The following DBF4 variants were observed in gnomAD, a reference collection of about 807,000 sequenced individuals.
The protein encoded by DBF4 is protein DBF4 homolog A.
In DBF4, 25 loss-of-function variants were observed where a neutral mutation model predicts 76.6. That is an observed-to-expected ratio of 0.33 (90% CI 0.24 to 0.46). The LOEUF is 0.46. Among genes scored for constraint, DBF4 ranks in the 20% least tolerant of loss-of-function variants. DBF4 has a pLI of 1.00. For missense variants in DBF4, 638 were observed against 760.8 expected, an observed-to-expected ratio of 0.84 and a Z score of 1.90; for synonymous variants, 213 against 258.0, an observed-to-expected ratio of 0.83 and a Z score of 1.67.
chr7:87,878,748 G>A (rs1839133358), intron 2 of DBF4, among the ~76,000 whole-genome samples: 1 of 152,150 alleles, frequency 6.6e-6, no homozygotes, highest in Non-Finnish European at 1.5e-5. Flanking sequence ...AGATGATTGG[G>A]AAATTAGAAA....
At chr7:87,884,861 CAG>C (rs1006699429) in intron 2 of DBF4, 116 bp from the exon 3 acceptor site, 65 of 703,076 alleles carry the variant, frequency 9.2e-5, no homozygotes, top group South Asian at 6.3e-4. Context: ...CACTTGAGAA[CAG>C]GGGGTTGAGG....
chr7:87,903,948 G>T (rs546267162), intron 10 of DBF4, among the ~76,000 whole-genome samples: 2 of 151,990 alleles, frequency 1.3e-5, no homozygotes, highest in Non-Finnish European at 2.9e-5. Context: ...CGCCCACCTC[G>T]GCCTCCCAGA....
intron 1 of DBF4, among the ~76,000 whole-genome samples, chr7:87,877,655 G>A (rs1242046776): frequency 6.6e-6 from 1 of 152,166 alleles, no homozygotes; most frequent in Non-Finnish European, 1.5e-5. Flanking sequence ...CGTAACAGAG[G>A]ATTCTTTCAT....
intron 10 of DBF4, among the ~76,000 whole-genome samples, chr7:87,903,947 C>T (rs936251744): frequency 2.6e-5 from 4 of 152,054 alleles, no homozygotes; most frequent in East Asian, 3.9e-4. Flanking sequence ...CCGCCCACCT[C>T]GGCCTCCCAG....
rs774134823 is a variant in DBF4 at position 87,908,020 on chromosome 7, A to C, written c.1882A>C (p.Lys628Gln). The C allele has an allele frequency of 2.5e-6, 4 of 1,613,852 alleles. No homozygotes were observed. Among genetic ancestry groups the C allele is most frequent in the Non-Finnish European group, 3.4e-6 (4 of 1,179,786 alleles). ...AGACTTGTTTCAGACTAGTGAAGAG[A>C]AATCAGAATTTTTGGGTTTCACAAG... ...LLDLFQTSEE[K>Q]SEFLGFTSYT... is the part of the protein sequence containing the mutation. Residue 628 changes from lysine to glutamine, a missense_variant, in exon 12 of 12, where the codon AAA becomes CAA. Transcript: ENST00000265728.
chr7:87,878,098 C>A lies in DBF4; in HGVS notation c.92C>A (p.Ser31Tyr). The change falls in exon 2 of 12, where the codon TCT (serine) becomes TAT (tyrosine). Residue 31 changes from serine (S) to tyrosine (Y), a missense_variant. Physicochemically the swap from Ser to Tyr is moderately radical, Grantham distance 144. Coordinates refer to ENST00000265728, the MANE Select transcript of DBF4 (RefSeq NM_006716.4). ...KNEKNRPSLKSLKTDNRPEKS... is the reference protein window; with the variant it reads ...KNEKNRPSLKYLKTDNRPEKS... ...GAAAAAAACAGACCATCTCTGAAATCTCTGAAAACTGATAACAGGCCAGAA... is the reference window on the plus strand; with the variant it reads ...GAAAAAAACAGACCATCTCTGAAATATCTGAAAACTGATAACAGGCCAGAA... The A allele has an allele frequency of 3.7e-6, 6 of 1,610,994 alleles. No homozygotes were observed. Among genetic ancestry groups the A allele is most frequent in the Non-Finnish European group, 5.1e-6 (6 of 1,179,330 alleles).
At chr7:87,885,942 G>A (rs1839338584) in intron 3 of DBF4, among the ~76,000 whole-genome samples, 1 of 152,120 alleles carries the variant, frequency 6.6e-6, no homozygotes, top group Admixed American at 6.5e-5. Context: ...GTTTATTTCA[G>A]TTTTTAGGTT....
intron 8 of DBF4, among the ~76,000 whole-genome samples, 167 bp downstream of exon 8, chr7:87,897,506 G>T (rs540169174): frequency 6.6e-6 from 1 of 152,258 alleles, no homozygotes; most frequent in South Asian, 2.1e-4. Flanking sequence ...TAATTCATTT[G>T]TGCTCAAGGA....
intron 10 of DBF4, among the ~76,000 whole-genome samples, chr7:87,901,586 A>G (rs1241820749): frequency 6.6e-6 from 1 of 152,206 alleles, no homozygotes; most frequent in East Asian, 1.9e-4. Context: ...GGAAGAGAAG[A>G]GTTGAAAGAA....
chr7:87,891,748 G>A (rs1406866605), intron 6 of DBF4, among the ~76,000 whole-genome samples: 1 of 151,972 alleles, frequency 6.6e-6, no homozygotes, highest in Admixed American at 6.6e-5. Flanking sequence ...GATTTTTTGT[G>A]TGTGTGGTTT....
At position 87,876,694 on chromosome 7, in the gene DBF4, C is replaced by G. The variant is rs775299633; in HGVS notation, c.-39C>G. On this transcript the variant is annotated 5_prime_UTR_variant, in exon 1 of 12. Transcript: ENST00000265728. The stretch of plus-strand genomic sequence containing the variant: ...GCTTTCGCGGCTGCCCGGTGCGACA[C>G]TTTCTCCGGACCCAGCATGTAGGTG... The G allele has an allele frequency of 1.9e-6, 3 of 1,612,970 alleles. No individual in the cohort carries two copies. Among genetic ancestry groups the G allele is most frequent in the Non-Finnish European group, 2.5e-6 (3 of 1,179,666 alleles).
At chr7:87,883,197 C>G (rs1414006687) in intron 2 of DBF4, among the ~76,000 whole-genome samples, 6 of 151,652 alleles carry the variant, frequency 4.0e-5, no homozygotes, top group African/African-American at 1.5e-4. Context: ...ATGTAGGATT[C>G]CATTATATGA....
intron 3 of DBF4, 134 bp downstream of exon 3, chr7:87,885,292 T>G (rs1839317663): frequency 1.5e-6 from 1 of 674,056 alleles, no homozygotes; most frequent in Non-Finnish European, 2.4e-6. Context: ...GGCTCTCTAG[T>G]CCTCAATAAA....
chr7:87,892,607 A>G (rs892460494), intron 6 of DBF4, among the ~76,000 whole-genome samples: 7 of 152,202 alleles, frequency 4.6e-5, no homozygotes, highest in Non-Finnish European at 7.3e-5. Flanking sequence ...ACCAAAGAGT[A>G]TGATTGCTGC....
chr7:87,907,842 T>A lies in DBF4; in HGVS notation c.1704T>A (p.Ser568Arg). The change falls in exon 12 of 12, where the codon AGT becomes AGA. Residue 568 changes from serine to arginine, a missense_variant. Physicochemically the swap from Ser to Arg is moderately radical, Grantham distance 110. Transcript: ENST00000265728. The part of the protein sequence containing the change: ...PNECDFKNMD[S>R]LPSGKIHRKV... Reference sequence around the variant, plus strand: ...AATGTGACTTCAAGAATATGGATAGTTTACCTTCTGGTAAAATACATCGAA... The same window carrying A: ...AATGTGACTTCAAGAATATGGATAGATTACCTTCTGGTAAAATACATCGAA... 6.2e-7 allele frequency: 1 copy of A among 1,613,812 alleles called. No homozygotes were observed. Among genetic ancestry groups the A allele is most frequent in the Non-Finnish European group, 8.5e-7 (1 of 1,179,914 alleles).
Position 87,876,519 on chromosome 7 carries a change from G to A in DBF4, c.-214G>A. ...AATCTTCAACCGCCGCAGCCCACTC[G>A]TTTGTGCTTTGCGCCTTCCTCCTCC... On this transcript the variant is annotated 5_prime_UTR_variant, in exon 1 of 12. Transcript: ENST00000265728. The A allele has an allele frequency of 1.7e-6, 1 of 589,378 alleles. No homozygotes were observed. The highest frequency in any genetic ancestry group is 3.0e-6 in the Non-Finnish European group (1 of 329,570). 36.5% of individuals were successfully genotyped at this position (589,378 alleles called of 1,614,324 possible).
chr7:87,888,246 C>A (rs1428438617), intron 6 of DBF4, 187 bp downstream of exon 6: 1 of 969,542 alleles, frequency 1.0e-6, no homozygotes, highest in East Asian at 1.1e-4. Context: ...AAAAGTTGTT[C>A]CTGGAATAGT....
At chr7:87,900,484 A>G (rs1839749715) in intron 9 of DBF4, 135 bp downstream of exon 9, 29 of 1,095,650 alleles carry the variant, frequency 2.6e-5, no homozygotes, top group Non-Finnish European at 3.6e-5. Flanking sequence ...TTACTTTTAT[A>G]AGTCTGAATC....
intron 2 of DBF4, among the ~76,000 whole-genome samples, chr7:87,879,461 A>G: frequency 6.6e-6 from 1 of 152,172 alleles, no homozygotes; most frequent in Non-Finnish European, 1.5e-5. Context: ...TAGGCCTGCC[A>G]CCCTATTGAC....
Sources: gnomAD v4.1 joint callset for allele counts (sites outside exome capture counted in the v4.1 genomes callset) on GRCh38, gnomAD v4.1.1 for gene constraint, MANE v1.5 for transcripts, NCBI Gene and HGNC (gene_info 2026-07-23, HGNC 2026-07-21) for gene names.